The following OSBP2 variants were observed in gnomAD, a reference collection of about 807,000 sequenced individuals.
OSBP2 encodes oxysterol-binding protein 2.
In OSBP2, 66 loss-of-function variants were observed where a neutral mutation model predicts 96.0. The ratio of observed to expected loss-of-function variants is 0.69; its 90% CI spans 0.56 to 0.84. The LOEUF (loss-of-function observed/expected upper bound fraction) is 0.84, where lower values mean the gene tolerates loss of function less well. OSBP2 is among the 40% of genes least tolerant of loss of function. The probability of loss-of-function intolerance (pLI) is 0.00; values close to 1 mark genes in which losing one functional copy is unlikely to be tolerated. For missense variants in OSBP2, 1,038 were observed against 1,222.7 expected (o/e 0.85, Z 2.25); for synonymous variants, 525 against 520.9 (o/e 1.01, Z -0.11).
chr22:30,894,777 C>G (rs1463940029), intron 12 of OSBP2, among the ~76,000 whole-genome samples: 1 of 152,238 alleles, frequency 6.6e-6, no homozygotes, highest in Non-Finnish European at 1.5e-5. Flanking sequence ...TTCCGAGGAG[C>G]TGTCCCCTTA....
At chr22:30,747,555 A>G (rs936879967) in intron 2 of OSBP2, among the ~76,000 whole-genome samples, 7 of 152,214 alleles carry the variant, frequency 4.6e-5, no homozygotes, top group African/African-American at 1.4e-4. Context: ...ACACACGTAT[A>G]AAATTATCTT....
intron 2 of OSBP2, among the ~76,000 whole-genome samples, chr22:30,861,876 C>T (rs2039218216): frequency 6.6e-6 from 1 of 152,168 alleles, no homozygotes; most frequent in Non-Finnish European, 1.5e-5. Flanking sequence ...AGGGTCCGAG[C>T]GCTGGCCCGT....
At chr22:30,796,478 A>G (rs1231184404) in intron 2 of OSBP2, among the ~76,000 whole-genome samples, 1 of 152,190 alleles carries the variant, frequency 6.6e-6, no homozygotes, top group East Asian at 1.9e-4. Flanking sequence ...TTAGATAAGA[A>G]CCATTGGGTT....
At chr22:30,752,052 CCT>C (rs1376687809) in intron 2 of OSBP2, among the ~76,000 whole-genome samples, 5 of 152,140 alleles carry the variant, frequency 3.3e-5, no homozygotes, top group Admixed American at 3.3e-4. Context: ...CCCTGCCAGC[CCT>C]TCCTCAGCCG....
rs185357566 is a variant in OSBP2, at chr22:30,898,379, C to T, written c.2375+4378C>T. On this transcript the variant is annotated intron_variant, in intron 12 of 13. Transcript: ENST00000332585. ...AAAAATAATAATAATTTTGGCTAGACGTGGTGGTTCATGCCTATAATCTCC... is the reference window on the plus strand; with the variant it reads ...AAAAATAATAATAATTTTGGCTAGATGTGGTGGTTCATGCCTATAATCTCC... Among the ~76,000 whole-genome samples, 46 of 152,168 alleles carry T rather than the reference C, an allele frequency of 3.0e-4. No homozygotes were observed. In the East Asian group the frequency reaches 6.8e-3, roughly 22 times the overall value.
chr22:30,754,525 G>A (rs566044491), intron 2 of OSBP2, among the ~76,000 whole-genome samples: 1 of 152,304 alleles, frequency 6.6e-6, no homozygotes, highest in East Asian at 1.9e-4. Context: ...GGCCCATGCA[G>A]AGGAGAGAAG....
intron 1 of OSBP2, among the ~76,000 whole-genome samples, chr22:30,725,576 C>T (rs925997346): frequency 1.3e-5 from 2 of 151,574 alleles, no homozygotes; most frequent in Admixed American, 1.3e-4. Flanking sequence ...AAAACAAATT[C>T]TAGTTCTGCC....
At chr22:30,813,171 CTTTTTTTTTTT>C (rs911860511) in intron 2 of OSBP2, among the ~76,000 whole-genome samples, 1 of 78,620 alleles carries the variant, frequency 1.3e-5, no homozygotes, top group African/African-American at 5.1e-5. Flanking sequence ...ATGTTGCATT[CTTTTTTTTTTT>C]TTTTTTTTTT....
intron 2 of OSBP2, chr22:30,842,689 C>T: frequency 6.3e-6 from 1 of 158,484 alleles, no homozygotes; most frequent in Non-Finnish European, 1.4e-5. Flanking sequence ...GATTTCATCT[C>T]AAGAAACCAC....
intron 12 of OSBP2, among the ~76,000 whole-genome samples, chr22:30,895,284 A>T (rs1199610498): frequency 3.3e-5 from 5 of 152,184 alleles, no homozygotes; most frequent in Non-Finnish European, 7.3e-5. Context: ...AAAAACAAAG[A>T]GGGAGATAAA....
Position 30,906,463 on chromosome 22 carries a change from T to A in OSBP2, c.*124T>A, listed in dbSNP as rs1454130318. ...TCCCAGCCCTTCCTATTTCCTTTCC[T>A]ATTTTTTTTTTCTCCCCACACTTTC... On this transcript the variant is annotated 3_prime_UTR_variant, in exon 14 of 14. Transcript: ENST00000332585. 1.7e-6 allele frequency: 2 copies of A among 1,207,028 alleles called. No homozygotes were observed. The highest frequency in any genetic ancestry group is 5.6e-5 in the East Asian group (2 of 35,542). 74.8% of individuals were successfully genotyped at this position (1,207,028 alleles called of 1,614,324 possible). A position where few individuals can be genotyped will look rare whatever the true frequency, so the allele number is the denominator to read the frequency against.
chr22:30,728,946 T>C (rs1054075963), intron 1 of OSBP2, among the ~76,000 whole-genome samples: 1 of 152,244 alleles, frequency 6.6e-6, no homozygotes, highest in Non-Finnish European at 1.5e-5. Flanking sequence ...CTTTTAGGAA[T>C]AATGTTGTGA....
intron 2 of OSBP2, among the ~76,000 whole-genome samples, chr22:30,756,554 A>G (rs776576746): frequency 1.4e-4 from 22 of 152,156 alleles, no homozygotes; most frequent in Non-Finnish European, 2.9e-4. Context: ...TTAGCTGGGC[A>G]TGGTGGCGCA....
At chr22:30,816,364 G>A (rs2091083364) in intron 2 of OSBP2, among the ~76,000 whole-genome samples, 1 of 152,168 alleles carries the variant, frequency 6.6e-6, no homozygotes, top group Non-Finnish European at 1.5e-5. Context: ...ATCTGTCGGT[G>A]AAAGTAGTAT....
At chr22:30,701,604 A>G (rs1208746558) in intron 1 of OSBP2, among the ~76,000 whole-genome samples, 2 of 151,918 alleles carry the variant, frequency 1.3e-5, no homozygotes, top group Non-Finnish European at 2.9e-5. Flanking sequence ...CGGCCTCCCA[A>G]AGTGCTGGGA....
At chr22:30,784,056 C>T (rs1256804090) in intron 2 of OSBP2, among the ~76,000 whole-genome samples, 2 of 152,114 alleles carry the variant, frequency 1.3e-5, no homozygotes, top group African/African-American at 4.8e-5. Context: ...ATGGTCCTGT[C>T]CTGAGTGGGT....
At chr22:30,860,456 T>C (rs1305701772) in intron 2 of OSBP2, among the ~76,000 whole-genome samples, 1 of 152,200 alleles carries the variant, frequency 6.6e-6, no homozygotes, top group Non-Finnish European at 1.5e-5. Flanking sequence ...CCTTCCATGC[T>C]GTCAAACAGG....
rs772707852 is a variant in OSBP2 at position 30,893,213 on chromosome 22, G to A, written c.1961G>A (p.Arg654Gln). 22 of 1,613,964 alleles carry A rather than the reference G, an allele frequency of 1.4e-5. No homozygotes were observed. The highest frequency in any genetic ancestry group is 1.1e-4 in the East Asian group (5 of 44,890). The change falls in exon 9 of 14, where the codon CGG becomes CAG. Residue 654 changes from arginine (R) to glutamine (Q), a missense_variant. Coordinates refer to ENST00000332585, the MANE Select transcript of OSBP2 (RefSeq NM_030758.4). ...GAGATCACCATCTCCAGCAAGTTCC[G>A]GGGAAAATACATCTCCATCATGCCG... is the stretch of plus-strand genomic sequence containing the variant. ...WQEITISSKF[R>Q]GKYISIMPLG...
At chr22:30,819,850 A>G (rs1220956030) in intron 2 of OSBP2, among the ~76,000 whole-genome samples, 3 of 152,212 alleles carry the variant, frequency 2.0e-5, no homozygotes, top group East Asian at 3.8e-4. Context: ...AAAGAAGTTC[A>G]GTGACACCAG....
Sources: allele counts gnomAD v4.1 joint callset (sites outside exome capture counted in the v4.1 genomes callset), GRCh38; gene constraint gnomAD v4.1.1; transcripts MANE v1.5; gene names NCBI Gene and HGNC (gene_info 2026-07-23, HGNC 2026-07-21).